Variants in CES4A observed in about 807,000 individuals in gnomAD.
CES4A encodes carboxylesterase 6.
In CES4A, 48 loss-of-function variants were observed where a neutral mutation model predicts 65.4. The ratio of observed to expected loss-of-function variants is 0.73; its 90% CI spans 0.58 to 0.93. The LOEUF is 0.93. Among genes scored for constraint, CES4A ranks in the 40% least tolerant of loss-of-function variants. The pLI is 0.00. For missense variants in CES4A, 685 were observed against 728.5 expected, an observed-to-expected ratio of 0.94 and a Z score of 0.69; for synonymous variants, 247 against 281.8, an observed-to-expected ratio of 0.88 and a Z score of 1.24.
chr16:66,998,006 T>C (rs965378382), intron 2 of CES4A, among the ~76,000 whole-genome samples: 2 of 147,514 alleles, frequency 1.4e-5, no homozygotes, highest in African/African-American at 5.1e-5. Flanking sequence ...CACAGTTCCT[T>C]TTGGGGCCTA....
At position 67,000,560 on chromosome 16, in the gene CES4A, T is replaced by C; in HGVS notation, c.261-78T>C. The C allele has an allele frequency of 3.4e-6, 5 of 1,488,876 alleles. No individual in the cohort carries two copies. Among genetic ancestry groups the C allele is most frequent in the East Asian group, 2.5e-5 (1 of 39,916 alleles). The allele number at this position is 1,488,876 out of a possible 1,614,324, so 92.2% of individuals were successfully genotyped here. On this transcript the variant is annotated intron_variant, in intron 2 of 13. Coordinates refer to ENST00000648724, the Ensembl canonical transcript of CES4A. This position sits in a 1 kb window ranked among gnomAD's most constrained non-coding sequence, Gnocchi z 4.2. ...GCACAGACGCTGCCTGGATTTTGCT[T>C]TGGGTTCCGTCTTCTCACTGCGGAC...
chr16:67,005,436 T>C (rs757726868), intron 11 of CES4A, 43 bp downstream of exon 11: 1 of 1,593,644 alleles, frequency 6.3e-7, no homozygotes, highest in South Asian at 1.1e-5. Flanking sequence ...CCCCGTCCAC[T>C]CTCCAGGTGT....
intron 2 of CES4A, among the ~76,000 whole-genome samples, chr16:66,998,852 CT>C (rs1965068259): frequency 6.6e-6 from 1 of 151,298 alleles, no homozygotes; most frequent in African/African-American, 2.4e-5. Flanking sequence ...CAGAGCGAGA[CT>C]CCATCTCAAA....
chr16:67,004,049 G>A, intron 8 of CES4A, 35 bp from the exon 9 acceptor site: 1 of 1,612,168 alleles, frequency 6.2e-7, no homozygotes. Flanking sequence ...GAGGATACTT[G>A]AGGAGACTGG....
chr16:67,001,311 GGAC>G lies in CES4A; in HGVS notation c.544_546del (p.Asp182del), dbSNP rs1172593181. ...ACAGTGAACCCCACACGCCCAGCAC[GGAC>G]GACAGCCACGCGCGCGGGAACTGGG... On this transcript the variant is annotated inframe_deletion, in exon 5 of 14. Transcript: ENST00000648724. This position sits in a 1 kb window ranked among gnomAD's most constrained non-coding sequence, Gnocchi z 4.1. The G allele has an allele frequency of 6.2e-7, 1 of 1,604,426 alleles. No homozygotes were observed. Among genetic ancestry groups the G allele is most frequent in the South Asian group, 1.1e-5 (1 of 89,688 alleles).
chr16:67,004,360 G>C, intron 9 of CES4A, 136 bp downstream of exon 9: 1 of 930,648 alleles, frequency 1.1e-6, no homozygotes. Context: ...CCCTATGTTT[G>C]GGAGCCTCCT....
intron 2 of CES4A, among the ~76,000 whole-genome samples, chr16:66,999,555 A>C (rs1965119022): frequency 6.6e-6 from 1 of 152,210 alleles, no homozygotes; most frequent in Non-Finnish European, 1.5e-5. Context: ...TAATCCCAGC[A>C]CTTTGGGAGG....
intron 1 of CES4A, among the ~76,000 whole-genome samples, chr16:66,994,055 C>T (rs1040320084): frequency 2.6e-5 from 4 of 150,962 alleles, no homozygotes; most frequent in African/African-American, 4.9e-5. Context: ...GAGCCGAGAT[C>T]GTGCCACTGC....
chr16:66,991,266 C>T (rs2079974294), intron 1 of CES4A, among the ~76,000 whole-genome samples: 1 of 152,160 alleles, frequency 6.6e-6, no homozygotes, highest in Non-Finnish European at 1.5e-5. Flanking sequence ...CTCCAGTGAT[C>T]CACCTGCCTT....
exon 11 of CES4A, chr16:67,005,364 C>T (rs904550985): frequency 4.3e-6 from 7 of 1,614,032 alleles, no homozygotes; most frequent in Non-Finnish European, 5.9e-6. Context: ...TTCGTGTATG[C>T]CACACTGCAG....
intron 1 of CES4A, among the ~76,000 whole-genome samples, chr16:66,992,958 T>A (rs192301800): frequency 1.7e-3 from 258 of 152,300 alleles, no homozygotes; most frequent in African/African-American, 5.9e-3. Flanking sequence ...AGTTCTGGGC[T>A]TATAGGCGTG....
Position 67,001,162 on chromosome 16 carries a change from G to A in CES4A, c.537-146G>A, listed in dbSNP as rs1199218052. ...GCGCTCCATACCATCTGGATGGGGC[G>A]AGCTAACTCCAAGGAAGGGGGTGTG... On this transcript the variant is annotated intron_variant, in intron 4 of 13. Coordinates refer to ENST00000648724, the Ensembl canonical transcript of CES4A. The surrounding 1 kb of genome is among the most constrained non-coding windows in gnomAD (Gnocchi z 4.1). The A allele has an allele frequency of 2.2e-6, 3 of 1,363,404 alleles. No homozygotes were observed. The highest frequency in any genetic ancestry group is 1.4e-5 in the South Asian group (1 of 69,758). The allele number at this position is 1,363,404 out of a possible 1,614,324, so 84.5% of individuals were successfully genotyped here. A position where few individuals can be genotyped will look rare whatever the true frequency, so the allele number is the denominator to read the frequency against.
chr16:66,994,491 G>A lies in CES4A; in HGVS notation c.59-1137G>A, dbSNP rs564484293. Among the ~76,000 whole-genome samples, 14 of 150,856 alleles carry A rather than the reference G, an allele frequency of 9.3e-5. No individual in the cohort carries two copies. In the South Asian group the frequency reaches 1.0e-3, roughly 11 times the overall value. On this transcript the variant is annotated intron_variant, in intron 1 of 13. Coordinates refer to ENST00000648724, the Ensembl canonical transcript of CES4A. ...CTCCTGAAGTGCTGGGATTACAGGC[G>A]TGAGCCACCGCGCGCAGCCGACATG...
chr16:67,001,204 T>A lies in CES4A; in HGVS notation c.537-104T>A. The A allele has an allele frequency of 1.4e-6, 2 of 1,429,930 alleles. No individual in the cohort carries two copies. The highest frequency in any genetic ancestry group is 1.9e-6 in the Non-Finnish European group (2 of 1,080,332). The allele number at this position is 1,429,930 out of a possible 1,614,324, so 88.6% of individuals were successfully genotyped here. ...GGGGGTGTGGTCGCAGGACTGGGTC[T>A]TAGAGGGGCAAGGCTGGGCTGGGTG... is the stretch of plus-strand genomic sequence containing the variant. On this transcript the variant is annotated intron_variant, in intron 4 of 13. Transcript: ENST00000648724. The surrounding 1 kb of genome is among the most constrained non-coding windows in gnomAD (Gnocchi z 4.1).
intron 2 of CES4A, chr16:66,996,227 G>A: frequency 1.7e-5 from 6 of 357,114 alleles, no homozygotes; most frequent in South Asian, 1.3e-4. Context: ...AGTAGAGACA[G>A]GGTTTCATTA....
At chr16:66,993,933 C>T (rs1964597404) in intron 1 of CES4A, among the ~76,000 whole-genome samples, 1 of 151,474 alleles carries the variant, frequency 6.6e-6, no homozygotes, top group Non-Finnish European at 1.5e-5. Context: ...AACCGTGTCT[C>T]TACTAAAAAT....
intron 1 of CES4A, among the ~76,000 whole-genome samples, chr16:66,993,717 G>A (rs1307927695): frequency 1.3e-5 from 2 of 152,218 alleles, no homozygotes; most frequent in Non-Finnish European, 2.9e-5. Flanking sequence ...GTACATGTGA[G>A]TATTAGATGC....
At chr16:66,994,933 G>A (rs180960105) in intron 1 of CES4A, among the ~76,000 whole-genome samples, 196 of 152,196 alleles carry the variant, frequency 1.3e-3, no homozygotes, top group African/African-American at 4.3e-3. Flanking sequence ...GAACCTGGAA[G>A]GTGGAGGTTG....
In CES4A at chr16:66,998,455, G is replaced by C. The variant is rs1156778888; in HGVS notation, c.261-2183G>C. 2.6e-5 allele frequency among the ~76,000 whole-genome samples: 4 copies of C among 152,124 alleles called. No individual in the cohort carries two copies. In the East Asian group the frequency reaches 7.7e-4, roughly 29 times the overall value. On this transcript the variant is annotated intron_variant, in intron 2 of 13. Transcript: ENST00000648724. The stretch of plus-strand genomic sequence containing the variant: ...AAAATTAAAAATTATCCGGTGTGAT[G>C]GTGCGTGCTTGTAGTCCTAGCTACT...
Sources: allele counts gnomAD v4.1 joint callset (sites outside exome capture counted in the v4.1 genomes callset), GRCh38; gene constraint gnomAD v4.1.1; non-coding constraint Gnocchi (gnomAD v3.1); transcripts MANE v1.5; gene names NCBI Gene and HGNC (gene_info 2026-07-23, HGNC 2026-07-21).